MAF: variants seen among roughly 807,000 people sequenced by gnomAD.
MAF encodes the protein MAF bZIP transcription factor.
Under a neutral mutation model 22.0 loss-of-function variants are expected in MAF, and 10 were observed. That is an observed-to-expected ratio of 0.45 (90% CI 0.28 to 0.77). MAF has a LOEUF of 0.77. MAF is among the 30% of genes least tolerant of loss of function. The pLI is 0.12. For synonymous variants in MAF, 337 were observed against 255.8 expected, an observed-to-expected ratio of 1.32 and a Z score of -3.03; for missense variants, 544 against 548.4, an observed-to-expected ratio of 0.99 and a Z score of 0.08.
At chr16:79,286,810 G>C in the MAF span, among the ~76,000 whole-genome samples, 1 of 152,156 alleles carries the variant, frequency 6.6e-6, no homozygotes, top group Non-Finnish European at 1.5e-5. Flanking sequence ...ACACAGCTTT[G>C]TGTGCCTCTG....
the MAF span, among the ~76,000 whole-genome samples, chr16:79,427,366 T>C: frequency 6.6e-6 from 1 of 152,226 alleles, no homozygotes; most frequent in Non-Finnish European, 1.5e-5. Context: ...AAACATATGC[T>C]GCTACATCAA....
chr16:79,403,082 C>T, the MAF span, among the ~76,000 whole-genome samples: 1 of 152,190 alleles, frequency 6.6e-6, no homozygotes, highest in African/African-American at 2.4e-5. Context: ...ATGACTTCAC[C>T]TGCATGCCAG....
At chr16:79,214,455 C>A in the MAF span, among the ~76,000 whole-genome samples, 1 of 152,118 alleles carries the variant, frequency 6.6e-6, no homozygotes, top group Non-Finnish European at 1.5e-5. Context: ...GCCCGGGCTG[C>A]AGTGCAATGG....
chr16:79,598,440 T>TG (rs1913705663), intron 1 of MAF: 1 of 260,934 alleles, frequency 3.8e-6, no homozygotes, highest in Non-Finnish European at 6.2e-6. Context: ...AGTCCGGGGG[T>TG]GGGGCGGGGG....
At chr16:79,354,391 G>A in the MAF span, among the ~76,000 whole-genome samples, 5 of 152,102 alleles carry the variant, frequency 3.3e-5, no homozygotes, top group Non-Finnish European at 7.4e-5. Context: ...TTCCTGGAAT[G>A]TGTCTGCAAT....
chr16:79,283,016 C>T, the MAF span, among the ~76,000 whole-genome samples: 2 of 152,188 alleles, frequency 1.3e-5, no homozygotes, highest in Non-Finnish European at 2.9e-5. Context: ...AAATGTCAAA[C>T]CTGCACCTGC....
At chr16:79,547,978 A>G in the MAF span, among the ~76,000 whole-genome samples, 7 of 152,160 alleles carry the variant, frequency 4.6e-5, no homozygotes, top group East Asian at 1.2e-3. Context: ...TGTTTCCTAA[A>G]TATATTTCTA....
At chr16:79,509,333 G>A in the MAF span, among the ~76,000 whole-genome samples, 3 of 152,328 alleles carry the variant, frequency 2.0e-5, no homozygotes, top group African/African-American at 7.2e-5. Flanking sequence ...GGAAGGAGGA[G>A]GCAGTGAGGA....
the MAF span, among the ~76,000 whole-genome samples, chr16:79,473,798 T>C: frequency 6.6e-5 from 10 of 152,182 alleles, no homozygotes; most frequent in African/African-American, 2.2e-4. Flanking sequence ...ATACAGCTGA[T>C]CTGGGTGAGG....
the MAF span, among the ~76,000 whole-genome samples, chr16:79,235,412 A>T: frequency 1.3e-5 from 2 of 152,022 alleles, no homozygotes; most frequent in Non-Finnish European, 2.9e-5. Context: ...ATAAAAAAAT[A>T]TTAGCTGGGC....
the MAF span, among the ~76,000 whole-genome samples, chr16:79,356,491 C>A: frequency 2.6e-5 from 4 of 152,144 alleles, no homozygotes; most frequent in African/African-American, 7.2e-5. Flanking sequence ...GCCTTCCTCA[C>A]GTGCCTTCCA....
At chr16:79,244,490 C>G in the MAF span, among the ~76,000 whole-genome samples, 1 of 151,950 alleles carries the variant, frequency 6.6e-6, no homozygotes, top group Non-Finnish European at 1.5e-5. Flanking sequence ...AATAAAATAC[C>G]TAGGAATACA....
the MAF span, among the ~76,000 whole-genome samples, chr16:79,253,267 G>C: frequency 2.0e-5 from 3 of 152,176 alleles, no homozygotes; most frequent in Non-Finnish European, 4.4e-5. Context: ...AAGTATGCCT[G>C]TTCCCTCAGC....
chr16:79,248,304 T>G, the MAF span, among the ~76,000 whole-genome samples: 1 of 152,212 alleles, frequency 6.6e-6, no homozygotes, highest in African/African-American at 2.4e-5. Context: ...AATTTTCTCT[T>G]CGTTGCTGTC....
the MAF span, among the ~76,000 whole-genome samples, chr16:79,257,321 G>T: frequency 6.6e-6 from 1 of 152,136 alleles, no homozygotes; most frequent in Non-Finnish European, 1.5e-5. Context: ...TATCATTGCA[G>T]GGAGCTAAGG....
chr16:79,597,692 T>C (rs1913616151), intron 1 of MAF: 2 of 1,018,766 alleles, frequency 2.0e-6, no homozygotes, highest in Non-Finnish European at 2.4e-6. Context: ...CATGAGGCAA[T>C]AAAACAAAAG....
At chr16:79,381,377 G>A in the MAF span, among the ~76,000 whole-genome samples, 1 of 152,202 alleles carries the variant, frequency 6.6e-6, no homozygotes, top group Non-Finnish European at 1.5e-5. Flanking sequence ...AATCTTTAAG[G>A]CTGATACGAA....
the MAF span, among the ~76,000 whole-genome samples, chr16:79,488,305 G>A: frequency 1.3e-5 from 2 of 152,144 alleles, no homozygotes; most frequent in African/African-American, 2.4e-5. Flanking sequence ...AAAACACCTC[G>A]TGTTGGGTGT....
chr16:79,286,239 A>G, the MAF span, among the ~76,000 whole-genome samples: 1 of 152,066 alleles, frequency 6.6e-6, no homozygotes, highest in Admixed American at 6.6e-5. Context: ...CATTCCAAAG[A>G]CTCTCCCCAG....
Sources: gnomAD v4.1 joint callset for allele counts (sites outside exome capture counted in the v4.1 genomes callset) on GRCh38, gnomAD v4.1.1 for gene constraint, MANE v1.5 for transcripts, NCBI Gene and HGNC (gene_info 2026-07-23, HGNC 2026-07-21) for gene names.